The following NBAS variants were observed in gnomAD, a reference collection of about 807,000 sequenced individuals.
The protein encoded by NBAS is NAG/BC035112 fusion.
In NBAS, 219 loss-of-function variants were observed where a neutral mutation model predicts 302.5. The ratio of observed to expected loss-of-function variants is 0.72; its 90% confidence interval spans 0.65 to 0.81. The LOEUF (loss-of-function observed/expected upper bound fraction) is 0.81, where lower values mean the gene tolerates loss of function less well. Ranked by LOEUF, NBAS falls within the 30% of genes least tolerant of loss-of-function variation. The probability of loss-of-function intolerance (pLI) is 0.00; values close to 1 mark genes in which losing one functional copy is unlikely to be tolerated. For missense variants in NBAS, 2,932 were observed against 2,841.6 expected (o/e 1.03, Z -0.72); for synonymous variants, 1,118 against 1,021.6 (o/e 1.09, Z -1.80).
At chr2:15,453,735 C>T (rs1354513316) in intron 21 of NBAS, among the ~76,000 whole-genome samples, 9 of 152,128 alleles carry the variant, frequency 5.9e-5, no homozygotes, top group African/African-American at 2.2e-4. Flanking sequence ...TAGATACTTA[C>T]AAGCAAGCAA....
At chr2:15,204,818 T>C (rs1319877228) in intron 48 of NBAS, among the ~76,000 whole-genome samples, 3 of 152,022 alleles carry the variant, frequency 2.0e-5, no homozygotes, top group African/African-American at 7.2e-5. Flanking sequence ...ATGAGAACAC[T>C]TGGACACAGG....
At chr2:14,837,595 G>C in the NBAS span, among the ~76,000 whole-genome samples, 3 of 151,640 alleles carry the variant, frequency 2.0e-5, no homozygotes, top group African/African-American at 7.2e-5. Flanking sequence ...ATCACTAATA[G>C]TAATAAAACT....
At chr2:15,220,864 T>A (rs1666920697) in intron 47 of NBAS, among the ~76,000 whole-genome samples, 1 of 152,226 alleles carries the variant, frequency 6.6e-6, no homozygotes, top group African/African-American at 2.4e-5. Flanking sequence ...AGTCTTTTTT[T>A]TTTAACTTCT....
At chr2:15,220,922 TATTATTTAATATA>T (rs1666922860) in intron 47 of NBAS, among the ~76,000 whole-genome samples, 1 of 152,172 alleles carries the variant, frequency 6.6e-6, no homozygotes, top group African/African-American at 2.4e-5. Flanking sequence ...TTTCAGTATG[TATTATTTAATATA>T]CTTGTCAAAT....
chr2:14,994,229 C>T, the NBAS span, among the ~76,000 whole-genome samples: 3 of 152,134 alleles, frequency 2.0e-5, no homozygotes, highest in Non-Finnish European at 4.4e-5. Flanking sequence ...AGCTTAAAAC[C>T]GATTGCCATA....
the NBAS span, among the ~76,000 whole-genome samples, chr2:14,941,564 G>A: frequency 6.6e-6 from 1 of 152,190 alleles, no homozygotes; most frequent in African/African-American, 2.4e-5. Context: ...GCAGATGGAT[G>A]GTCTGCTGAC....
intron 9 of NBAS, 59 bp from the exon 10 acceptor site, chr2:15,511,409 A>G: frequency 6.6e-7 from 1 of 1,506,134 alleles, no homozygotes; most frequent in East Asian, 2.3e-5. Context: ...AGAGCAAAAC[A>G]AAGAGAGCAG....
chr2:15,299,026 A>G (rs1182709186), intron 40 of NBAS, among the ~76,000 whole-genome samples: 1 of 152,194 alleles, frequency 6.6e-6, no homozygotes, highest in African/African-American at 2.4e-5. Context: ...CTTGGTGTTC[A>G]GAGTACACTC....
chr2:15,277,229 C>G (rs1260401113), intron 42 of NBAS, 128 bp from the exon 43 acceptor site: 1 of 1,185,518 alleles, frequency 8.4e-7, no homozygotes, highest in African/African-American at 1.5e-5. Context: ...AGACAGTAAA[C>G]CACCACCAGA....
At chr2:15,546,737 C>CA (rs544077405) in intron 6 of NBAS, among the ~76,000 whole-genome samples, 1 of 152,158 alleles carries the variant, frequency 6.6e-6, no homozygotes, top group Admixed American at 6.5e-5. Context: ...GAAAACAAAA[C>CA]AAAAAAAACA....
At chr2:15,067,413 GGGAGAGGAGGGGAGA>G in the NBAS span, among the ~76,000 whole-genome samples, 3 of 14,286 alleles carry the variant, frequency 2.1e-4, no homozygotes, top group South Asian at 5.5e-3. Context: ...GGGAGGGGAG[GGGAGAGGAGGGGAGA>G]GGAGGGGAGA....
the NBAS span, among the ~76,000 whole-genome samples, chr2:14,959,337 C>T: frequency 7.9e-5 from 12 of 152,346 alleles, 1 homozygote; most frequent in South Asian, 2.5e-3. Flanking sequence ...CTGGAGGCAT[C>T]AGGCCTAACA....
At chr2:15,165,970 C>A (rs1021923955), downstream of NBAS, among the ~76,000 whole-genome samples, 19 of 152,156 alleles carry the variant, frequency 1.2e-4, no homozygotes, top group African/African-American at 4.1e-4. Context: ...ATGCCTCCAA[C>A]GGCCCCCCGG....
chr2:15,169,354 G>A (rs1197490388), intron 51 of NBAS, among the ~76,000 whole-genome samples: 2 of 152,192 alleles, frequency 1.3e-5, no homozygotes, highest in Admixed American at 1.3e-4. Flanking sequence ...GAAGGGGCAC[G>A]GAGCTTTGAC....
chr2:15,047,459 C>T, the NBAS span, among the ~76,000 whole-genome samples: 1 of 152,044 alleles, frequency 6.6e-6, no homozygotes, highest in Admixed American at 6.5e-5. Context: ...AAAGGCTGGG[C>T]CCATGCAGGT....
At chr2:14,952,174 TAGC>T in the NBAS span, among the ~76,000 whole-genome samples, 1 of 152,178 alleles carries the variant, frequency 6.6e-6, no homozygotes, top group Non-Finnish European at 1.5e-5. Context: ...GGTGCCCCAG[TAGC>T]AGCAGCACCT....
chr2:15,050,818 C>A, the NBAS span, among the ~76,000 whole-genome samples: 1 of 152,128 alleles, frequency 6.6e-6, no homozygotes, highest in Non-Finnish European at 1.5e-5. Context: ...AGCCTGAGTT[C>A]TTGTGTCTGT....
At position 15,186,737 on chromosome 2, in the gene NBAS, C is replaced by A. The variant is rs2125132602; in HGVS notation, c.6711+5G>T. The A allele has an allele frequency of 1.2e-6, 2 of 1,613,826 alleles. No individual in the cohort carries two copies. Among genetic ancestry groups the A allele is most frequent in the South Asian group, 2.2e-5 (2 of 91,080 alleles). On this transcript the variant is annotated splice_donor_5th_base_variant and intron_variant, in intron 50 of 51. Coordinates refer to ENST00000281513, the MANE Select transcript of NBAS (RefSeq NM_015909.4). Reference sequence around the variant, plus strand: ...CTTAGGAAAGCACTCAAAATATCCACTCACCTCTGCAGGCAGCATCTGCTT... The same window carrying A: ...CTTAGGAAAGCACTCAAAATATCCAATCACCTCTGCAGGCAGCATCTGCTT...
chr2:14,913,328 T>C, the NBAS span, among the ~76,000 whole-genome samples: 2 of 152,036 alleles, frequency 1.3e-5, no homozygotes, highest in Non-Finnish European at 2.9e-5. Context: ...TGAGAGATAA[T>C]CAGGAGGGCT....
Sources: gnomAD v4.1 joint callset for allele counts (sites outside exome capture counted in the v4.1 genomes callset) on GRCh38, gnomAD v4.1.1 for gene constraint, MANE v1.5 for transcripts, NCBI Gene and HGNC (gene_info 2026-07-23, HGNC 2026-07-21) for gene names.